RUNX2: variants seen among roughly 807,000 people sequenced by gnomAD.
RUNX2 encodes RUNX family transcription factor 2, also known as runt-related transcription factor 2.
Under a neutral mutation model 51.7 loss-of-function variants are expected in RUNX2, and 10 were observed. That is an observed-to-expected ratio of 0.19 (90% CI 0.12 to 0.33). RUNX2 has a LOEUF of 0.33. Among genes scored for constraint, RUNX2 ranks in the 10% least tolerant of loss-of-function variants. The pLI is 1.00. For missense variants in RUNX2, 562 were observed against 691.3 expected, an observed-to-expected ratio of 0.81 and a Z score of 2.10; for synonymous variants, 276 against 273.6, an observed-to-expected ratio of 1.01 and a Z score of -0.09.
chr6:45,439,791 T>A (rs552031080), intron 5 of RUNX2, among the ~76,000 whole-genome samples: 2 of 152,266 alleles, frequency 1.3e-5, no homozygotes, highest in South Asian at 2.1e-4. Context: ...GTGCTCCCTG[T>A]TCTGAACGAT....
intron 2 of RUNX2, among the ~76,000 whole-genome samples, chr6:45,395,431 T>A (rs941947452): frequency 3.9e-5 from 6 of 152,230 alleles, no homozygotes; most frequent in African/African-American, 1.4e-4. Context: ...GGTGTTAGGT[T>A]ATTTTAGTTG....
chr6:45,408,694 ATCTTGTCTCTTCCTCC>A (rs1797888159), intron 2 of RUNX2, among the ~76,000 whole-genome samples: 1 of 152,038 alleles, frequency 6.6e-6, no homozygotes, highest in East Asian at 1.9e-4. Flanking sequence ...GAGTTCATAC[ATCTTGTCTCTTCCTCC>A]TGTGTATCAA....
intron 2 of RUNX2, among the ~76,000 whole-genome samples, chr6:45,414,572 T>A (rs1475999414): frequency 6.6e-6 from 1 of 152,136 alleles, no homozygotes; most frequent in Non-Finnish European, 1.5e-5. Flanking sequence ...AGTCTGTTTA[T>A]CTTGTTTAAT....
intron 2 of RUNX2, among the ~76,000 whole-genome samples, chr6:45,357,374 A>G (rs1415379709): frequency 2.0e-5 from 3 of 152,040 alleles, no homozygotes; most frequent in Non-Finnish European, 4.4e-5. Flanking sequence ...TCTGTTACCC[A>G]GGCTGGAGAA....
At chr6:45,438,178 T>C (rs532034878) in intron 5 of RUNX2, 127 bp downstream of exon 5, 3 of 682,052 alleles carry the variant, frequency 4.4e-6, no homozygotes, top group East Asian at 2.8e-5. Flanking sequence ...TATCTGCATA[T>C]ATTTTTTTTA....
chr6:45,462,014 C>G (rs1799491896), intron 5 of RUNX2, among the ~76,000 whole-genome samples: 1 of 152,192 alleles, frequency 6.6e-6, no homozygotes, highest in African/African-American at 2.4e-5. Context: ...ATAAGCCCCC[C>G]AGCCATTCGT....
intron 7 of RUNX2, among the ~76,000 whole-genome samples, chr6:45,543,174 C>T (rs1802284517): frequency 6.6e-6 from 1 of 152,154 alleles, no homozygotes; most frequent in Non-Finnish European, 1.5e-5. Context: ...GTAAAACCAA[C>T]CCATCAGGAA....
chr6:45,518,793 G>T (rs941116978), intron 7 of RUNX2, among the ~76,000 whole-genome samples: 9 of 152,134 alleles, frequency 5.9e-5, no homozygotes, highest in African/African-American at 1.9e-4. Context: ...TTGAGGATTT[G>T]CTGAAATCTC....
At chr6:45,363,007 T>C (rs1323786989) in intron 2 of RUNX2, among the ~76,000 whole-genome samples, 2 of 152,074 alleles carry the variant, frequency 1.3e-5, no homozygotes, top group East Asian at 1.9e-4. Flanking sequence ...GGTAGGTACA[T>C]AGGTTTTTTA....
chr6:45,514,201 A>G (rs1801250971), intron 7 of RUNX2, among the ~76,000 whole-genome samples: 1 of 152,182 alleles, frequency 6.6e-6, no homozygotes, highest in Admixed American at 6.5e-5. Flanking sequence ...TATTCCTGTG[A>G]GTTCACCAGG....
At chr6:45,443,596 C>G (rs1412065946) in intron 5 of RUNX2, among the ~76,000 whole-genome samples, 1 of 152,214 alleles carries the variant, frequency 6.6e-6, no homozygotes, top group African/African-American at 2.4e-5. Flanking sequence ...TGAAAGGACT[C>G]TTGGCTTTTT....
In RUNX2 at chr6:45,532,653, C is replaced by T. The variant is rs574236857; in HGVS notation, c.1022-12564C>T. Reference sequence around the variant, plus strand: ...CCTCTGCACCTTTCCTCTTTTCACCCGAAAATTAAGTCCTTATGAAAAGAT... The same window carrying T: ...CCTCTGCACCTTTCCTCTTTTCACCTGAAAATTAAGTCCTTATGAAAAGAT... On this transcript the variant is annotated intron_variant, in intron 7 of 8. Coordinates refer to ENST00000647337, the MANE Select transcript of RUNX2 (RefSeq NM_001024630.4). Among the ~76,000 whole-genome samples the T allele has an allele frequency of 3.9e-5, 6 of 152,262 alleles. No homozygotes were observed. In the East Asian group the frequency reaches 5.8e-4, roughly 15 times the overall value.
rs755085568 is a variant in RUNX2, at chr6:45,422,542, T to TC, written c.59-46dup. On this transcript the variant is annotated intron_variant, in intron 2 of 8. Transcript: ENST00000647337. ...CCCCTCATTTCCACCCTCCTCCCCC[T>TC]CCCCCGGCCACTTCGCTAACTTGTG... 3 of 879,996 alleles carry TC rather than the reference T, an allele frequency of 3.4e-6. No individual in the cohort carries two copies. In the East Asian group the frequency reaches 2.5e-4, roughly 73 times the overall value. 54.5% of individuals were successfully genotyped at this position (879,996 alleles called of 1,614,324 possible). A position where few individuals can be genotyped will look rare whatever the true frequency, so the allele number is the denominator to read the frequency against.
At chr6:45,395,138 C>T (rs1297387199) in intron 2 of RUNX2, among the ~76,000 whole-genome samples, 2 of 152,136 alleles carry the variant, frequency 1.3e-5, no homozygotes, top group African/African-American at 4.8e-5. Flanking sequence ...TCTGTTTCTC[C>T]AGTGTTTGGG....
At chr6:45,480,730 TCTC>T (rs1463499281) in intron 5 of RUNX2, among the ~76,000 whole-genome samples, 2 of 152,226 alleles carry the variant, frequency 1.3e-5, no homozygotes, top group Non-Finnish European at 2.9e-5. Context: ...TGTGTTTACA[TCTC>T]CTTCTTCTTC....
intron 2 of RUNX2, among the ~76,000 whole-genome samples, chr6:45,333,847 T>C (rs1788009755): frequency 6.6e-6 from 1 of 151,200 alleles, no homozygotes; most frequent in South Asian, 2.1e-4. Context: ...GGAACAAAAA[T>C]CATACCAAGG....
Position 45,492,242 on chromosome 6 carries a change from C to G in RUNX2, c.859+128C>G, listed in dbSNP as rs923696206. 5.1e-6 allele frequency: 4 copies of G among 784,514 alleles called. No homozygotes were observed. In the African/African-American group the frequency reaches 7.1e-5, roughly 14 times the overall value. 48.6% of individuals were successfully genotyped at this position (784,514 alleles called of 1,614,324 possible). ...GCGGCTTATTATTAAAGAATCAAGA[C>G]TTGAAGACACTGATTTCTTCTTTTT... On this transcript the variant is annotated intron_variant, in intron 6 of 8. Transcript: ENST00000647337.
intron 2 of RUNX2, among the ~76,000 whole-genome samples, chr6:45,334,102 C>T (rs1562970491): frequency 6.6e-6 from 1 of 151,170 alleles, no homozygotes; most frequent in East Asian, 1.9e-4. Context: ...TCTACTATTC[C>T]TATTGCCAAT....
At chr6:45,491,890 C>T (rs770911186) in intron 5 of RUNX2, 51 bp from the exon 6 acceptor site, 1 of 1,565,110 alleles carries the variant, frequency 6.4e-7, no homozygotes, top group Non-Finnish European at 8.8e-7. Flanking sequence ...TTAGCATGGT[C>T]AATTGTTCAG....
Sources: gnomAD v4.1 joint callset for allele counts (sites outside exome capture counted in the v4.1 genomes callset) on GRCh38, gnomAD v4.1.1 for gene constraint, MANE v1.5 for transcripts, NCBI Gene and HGNC (gene_info 2026-07-23, HGNC 2026-07-21) for gene names.